Variants in KIFAP3 observed in about 807,000 individuals in gnomAD.
The protein encoded by KIFAP3 is kinesin associated protein 3, also known as kinesin-associated protein 3.
Under a neutral mutation model 106.5 loss-of-function variants are expected in KIFAP3, and 68 were observed. The ratio of observed to expected loss-of-function variants is 0.64; its 90% confidence interval spans 0.53 to 0.78. KIFAP3 has a LOEUF of 0.78. Ranked by LOEUF, KIFAP3 falls within the 30% of genes least tolerant of loss-of-function variation. The pLI is 0.00. For missense variants in KIFAP3, 780 were observed against 941.8 expected, an observed-to-expected ratio of 0.83 and a Z score of 2.25; for synonymous variants, 320 against 311.5, an observed-to-expected ratio of 1.03 and a Z score of -0.29.
Position 170,017,073 on chromosome 1 carries a change from G to A in KIFAP3, c.1021-449C>T, listed in dbSNP as rs914077657. On this transcript the variant is annotated intron_variant, in intron 9 of 19. Transcript: ENST00000361580. ...AGAGATTGAGGCCATCCTGGCCAGCGTGGTGAAACCCCATCTCGACTAAAA... is the reference window on the plus strand; with the variant it reads ...AGAGATTGAGGCCATCCTGGCCAGCATGGTGAAACCCCATCTCGACTAAAA... Among the ~76,000 whole-genome samples, 50 of 152,082 alleles carry A rather than the reference G, an allele frequency of 3.3e-4. 1 individual carries two copies. The highest frequency in any genetic ancestry group is 1.2e-3 in the African/African-American group (50 of 41,494).
chr1:169,928,103 C>T (rs1009528372), intron 19 of KIFAP3, among the ~76,000 whole-genome samples: 18 of 148,860 alleles, frequency 1.2e-4, no homozygotes, highest in African/African-American at 4.4e-4. Context: ...TATCTTTTCT[C>T]TTTTTTTTTT....
At chr1:169,936,659 G>A (rs1663819473) in intron 19 of KIFAP3, among the ~76,000 whole-genome samples, 1 of 151,584 alleles carries the variant, frequency 6.6e-6, no homozygotes, top group South Asian at 2.1e-4. Flanking sequence ...TAAATTTTGT[G>A]TGTGTGTATA....
At chr1:170,013,875 T>G (rs1218012274) in intron 10 of KIFAP3, among the ~76,000 whole-genome samples, 1 of 152,196 alleles carries the variant, frequency 6.6e-6, no homozygotes, top group East Asian at 1.9e-4. Context: ...GTGGAAGCCT[T>G]TAAGAAAAGC....
chr1:170,038,394 T>C lies in KIFAP3; in HGVS notation c.413A>G (p.Tyr138Cys). 1.2e-6 allele frequency: 2 copies of C among 1,608,142 alleles called. No individual in the cohort carries two copies. Among genetic ancestry groups the C allele is most frequent in the East Asian group, 4.5e-5 (2 of 44,694 alleles). The change falls in exon 5 of 20, where the codon TAT becomes TGT. Residue 138 changes from tyrosine to cysteine, a missense_variant. This residue lies in a region of KIFAP3 where 588 missense variants were observed against 678.9 expected (regional missense o/e 0.87). Transcript: ENST00000361580. ...EVANINDMDE[Y>C]IELLYEDIPD... The stretch of plus-strand genomic sequence containing the variant: ...AATATCTTCATATAATAACTCAATA[T>C]ATTCATCCATGTCATTAATGTTAGC...
chr1:170,066,482 G>T (rs149045498), intron 1 of KIFAP3, among the ~76,000 whole-genome samples: 109 of 152,172 alleles, frequency 7.2e-4, no homozygotes, highest in South Asian at 1.7e-3. Context: ...GCAAAAACAC[G>T]TATGTGTGTA....
chr1:169,945,684 A>G (rs2101823637), intron 19 of KIFAP3, among the ~76,000 whole-genome samples: 1 of 152,356 alleles, frequency 6.6e-6, no homozygotes, highest in Admixed American at 6.5e-5. Flanking sequence ...TAGTTCTGTC[A>G]CAACTTCTCT....
intron 17 of KIFAP3, among the ~76,000 whole-genome samples, chr1:169,966,125 G>A (rs1310111904): frequency 5.3e-5 from 8 of 151,594 alleles, no homozygotes; most frequent in South Asian, 2.1e-4. Context: ...TAAGCATTTC[G>A]TACTATAAAA....
intron 19 of KIFAP3, among the ~76,000 whole-genome samples, chr1:169,942,342 G>A (rs1247949635): frequency 2.6e-5 from 4 of 152,208 alleles, no homozygotes; most frequent in East Asian, 1.9e-4. Context: ...GAATCTTCAC[G>A]GCAGTGCAGA....
intron 10 of KIFAP3, among the ~76,000 whole-genome samples, chr1:170,010,092 T>C (rs1414776800): frequency 6.6e-6 from 1 of 152,068 alleles, no homozygotes; most frequent in African/African-American, 2.4e-5. Flanking sequence ...ACTGAAATGA[T>C]TTATAACTGA....
At chr1:169,939,358 T>G (rs1194478342) in intron 19 of KIFAP3, among the ~76,000 whole-genome samples, 1 of 152,110 alleles carries the variant, frequency 6.6e-6, no homozygotes, top group Non-Finnish European at 1.5e-5. Context: ...TTCCAAAGTT[T>G]AAAGCTTGAA....
intron 9 of KIFAP3, chr1:170,023,999 A>T (rs1668985044): frequency 6.6e-6 from 1 of 152,628 alleles, no homozygotes; most frequent in Non-Finnish European, 1.5e-5. Context: ...GTAACAAAGA[A>T]GAATTGTAGG....
chr1:169,991,109 G>A (rs146028348), intron 11 of KIFAP3, among the ~76,000 whole-genome samples: 82 of 152,108 alleles, frequency 5.4e-4, no homozygotes, highest in Non-Finnish European at 1.0e-3. Context: ...GAGGACAAGC[G>A]GGGGAAGATT....
intron 9 of KIFAP3, among the ~76,000 whole-genome samples, chr1:170,020,245 C>A (rs1408334477): frequency 1.3e-5 from 2 of 151,996 alleles, no homozygotes; most frequent in African/African-American, 2.4e-5. Context: ...CAATGCAACC[C>A]CAATGATTTT....
intron 19 of KIFAP3, among the ~76,000 whole-genome samples, chr1:169,940,212 A>G (rs1315382034): frequency 2.0e-5 from 3 of 152,226 alleles, no homozygotes; most frequent in African/African-American, 7.2e-5. Flanking sequence ...ACCTGGGGTA[A>G]GTTGCTTAAA....
intron 2 of KIFAP3, among the ~76,000 whole-genome samples, chr1:170,048,707 G>A (rs1270149598): frequency 2.6e-5 from 4 of 151,556 alleles, no homozygotes; most frequent in Non-Finnish European, 4.4e-5. Flanking sequence ...GCGGGGTGGC[G>A]GGGGCGTCGC....
chr1:170,035,559 G>A lies in KIFAP3; in HGVS notation c.518-6C>T. ...TAATGCACCAAGGGCAGTTTCTAAA[G>A]AAAAAGGAGAGGTACCGAAACGATC... On this transcript the variant is annotated splice_polypyrimidine_tract_variant and splice_region_variant and intron_variant, in intron 5 of 19. Coordinates refer to ENST00000361580, the MANE Select transcript of KIFAP3 (RefSeq NM_014970.4). 1.3e-6 allele frequency: 2 copies of A among 1,570,026 alleles called. No homozygotes were observed. Among genetic ancestry groups the A allele is most frequent in the South Asian group, 1.2e-5 (1 of 86,226 alleles).
At chr1:169,943,680 T>C (rs1436597075) in intron 19 of KIFAP3, among the ~76,000 whole-genome samples, 1 of 152,194 alleles carries the variant, frequency 6.6e-6, no homozygotes, top group East Asian at 1.9e-4. Flanking sequence ...AAATATGTCA[T>C]AAGAACCGTC....
intron 19 of KIFAP3, among the ~76,000 whole-genome samples, chr1:169,928,689 AC>A (rs1663283023): frequency 1.5e-5 from 1 of 66,410 alleles, no homozygotes; most frequent in South Asian, 5.1e-4. Flanking sequence ...AGTGAGTGAG[AC>A]CCTGTCTCCA....
Position 170,062,020 on chromosome 1 carries a change from G to C in KIFAP3, c.33-6584C>G, listed in dbSNP as rs538828227. On this transcript the variant is annotated intron_variant, in intron 1 of 19. Coordinates refer to ENST00000361580, the MANE Select transcript of KIFAP3 (RefSeq NM_014970.4). ...ACACACTGGGGCCTGTCACGTGGTG[G>C]GGAGAGGGGGGAGGGATAGCATTAG... Among the ~76,000 whole-genome samples, 12 of 152,182 alleles carry C rather than the reference G, an allele frequency of 7.9e-5. No homozygotes were observed. The East Asian group carries it at 2.1e-3, about 27-fold the overall frequency.
Sources: gnomAD v4.1 joint callset for allele counts (sites outside exome capture counted in the v4.1 genomes callset) on GRCh38, gnomAD v4.1.1 for gene constraint, gnomAD v4.1.1 regional missense constraint, MANE v1.5 for transcripts, NCBI Gene and HGNC (gene_info 2026-07-23, HGNC 2026-07-21) for gene names.